The following SIRT1 variants were observed in gnomAD, a reference collection of about 807,000 sequenced individuals.
SIRT1 encodes NAD-dependent protein deacetylase sirtuin-1.
In SIRT1, 24 loss-of-function variants were observed where a neutral mutation model predicts 67.9. That is an observed-to-expected ratio of 0.35 (90% CI 0.26 to 0.50). SIRT1 has a LOEUF of 0.50. Ranked by LOEUF, SIRT1 falls within the 20% of genes least tolerant of loss-of-function variation. The probability of loss-of-function intolerance (pLI) is 0.98; values close to 1 mark genes in which losing one functional copy is unlikely to be tolerated. For missense variants in SIRT1, 873 were observed against 937.2 expected, an observed-to-expected ratio of 0.93 and a Z score of 0.89; for synonymous variants, 378 against 350.7, an observed-to-expected ratio of 1.08 and a Z score of -0.87.
intron 7 of SIRT1, among the ~76,000 whole-genome samples, chr10:67,910,709 T>C (rs1246059366): frequency 2.0e-5 from 3 of 152,202 alleles, no homozygotes; most frequent in South Asian, 2.1e-4. Flanking sequence ...TATGTCGATA[T>C]AGTTTACCCA....
In SIRT1 at chr10:67,891,496, C is replaced by A; in HGVS notation, c.884C>A (p.Ala295Glu). The A allele has an allele frequency of 6.2e-7, 1 of 1,614,038 alleles. No homozygotes were observed. The highest frequency in any genetic ancestry group is 1.7e-5 in the Admixed American group (1 of 60,018). The part of the protein sequence containing the change: ...VDFPDLPDPQ[A>E]MFDIEYFRKD... ...TTCCCAGATCTTCCAGATCCTCAAG[C>A]GATGTTTGATATTGAATATTTCAGA... Residue 295 changes from alanine to glutamate, a missense_variant, in exon 4 of 9, where the codon GCG becomes GAG. Physicochemically the swap from Ala to Glu is moderately radical, Grantham distance 107. Around this residue, in one of 3 missense-constraint regions of SIRT1, gnomAD observed 251 missense variants for 358.8 expected, o/e 0.70. Transcript: ENST00000212015.
chr10:67,905,758 CAA>C (rs1300068726), intron 4 of SIRT1, among the ~76,000 whole-genome samples: 4 of 152,134 alleles, frequency 2.6e-5, no homozygotes, highest in Admixed American at 1.3e-4. Flanking sequence ...GTAACAAAAA[CAA>C]AAGTTACACA....
chr10:67,902,134 G>A (rs772685555), intron 4 of SIRT1, among the ~76,000 whole-genome samples: 9 of 152,234 alleles, frequency 5.9e-5, no homozygotes, highest in Admixed American at 1.3e-4. Flanking sequence ...GATTACAGGC[G>A]CCTGTCTCCA....
chr10:67,889,164 T>C (rs778364863), intron 3 of SIRT1, 41 bp downstream of exon 3: 1 of 1,524,594 alleles, frequency 6.6e-7, no homozygotes, highest in East Asian at 2.3e-5. Context: ...ATATGTATTT[T>C]CTTATGCCTT....
intron 4 of SIRT1, among the ~76,000 whole-genome samples, chr10:67,900,241 G>T (rs972781379): frequency 1.3e-5 from 2 of 151,862 alleles, no homozygotes; most frequent in African/African-American, 4.8e-5. Context: ...TGCCTCCCGG[G>T]TTCAAGTGAT....
intron 4 of SIRT1, among the ~76,000 whole-genome samples, chr10:67,900,743 C>T (rs576554673): frequency 6.6e-6 from 1 of 152,234 alleles, no homozygotes; most frequent in African/African-American, 2.4e-5. Context: ...CAGGTTAGGC[C>T]TGTTCTGTTT....
chr10:67,899,167 C>A (rs4746717), intron 4 of SIRT1, among the ~76,000 whole-genome samples: 3 of 151,978 alleles, frequency 2.0e-5, no homozygotes, highest in South Asian at 2.1e-4. Context: ...AAATAAAATC[C>A]TCTATTAGGG....
At chr10:67,887,390 C>T (rs199673191) in intron 1 of SIRT1, 27 bp from the exon 2 acceptor site, 1 of 1,476,794 alleles carries the variant, frequency 6.8e-7, no homozygotes, top group East Asian at 2.3e-5. Context: ...GTTTTGATAG[C>T]CTTGACTGAC....
At chr10:67,899,957 G>A (rs1414724743) in intron 4 of SIRT1, among the ~76,000 whole-genome samples, 7 of 152,046 alleles carry the variant, frequency 4.6e-5, no homozygotes, top group South Asian at 4.2e-4. Context: ...GGTGGCAAGC[G>A]CCTGTAGTCC....
rs1419079878 is a variant in SIRT1 at position 67,885,093 on chromosome 10, CGACGACGACGAGGGCGAGGAGGAG to C, written c.375_398del (p.Asp125_Glu132del). 4.9e-6 allele frequency: 7 copies of C among 1,429,044 alleles called. No homozygotes were observed. The highest frequency in any genetic ancestry group is 6.5e-6 in the Non-Finnish European group (7 of 1,083,450). 88.5% of individuals were successfully genotyped at this position (1,429,044 alleles called of 1,614,324 possible). A position where few individuals can be genotyped will look rare whatever the true frequency, so the allele number is the denominator to read the frequency against. On this transcript the variant is annotated inframe_deletion, in exon 1 of 9. Coordinates refer to ENST00000212015, the MANE Select transcript of SIRT1 (RefSeq NM_012238.5). ...TGGCCGACAACTTGTACGACGAAGA[CGACGACGACGAGGGCGAGGAGGAG>C]GAAGAGGCGGCGGCGGCGGCGATTG...
intron 4 of SIRT1, among the ~76,000 whole-genome samples, chr10:67,898,807 G>C (rs546804728): frequency 6.6e-4 from 101 of 152,246 alleles, no homozygotes; most frequent in African/African-American, 2.2e-3. Flanking sequence ...CTGCACACCA[G>C]CCTGAGTGAC....
Position 67,885,061 on chromosome 10 carries a change from C to A in SIRT1, c.340C>A (p.Pro114Thr). 1 of 1,430,982 alleles carries A rather than the reference C, an allele frequency of 7.0e-7. No homozygotes were observed. Among genetic ancestry groups the A allele is most frequent in the South Asian group, 1.4e-5 (1 of 70,654 alleles). 88.6% of individuals were successfully genotyped at this position (1,430,982 alleles called of 1,614,324 possible). A position where few individuals can be genotyped will look rare whatever the true frequency, so the allele number is the denominator to read the frequency against. The change falls in exon 1 of 9, where the codon CCA becomes ACA. Residue 114 changes from proline (P) to threonine (T), a missense_variant. By Grantham distance (38) the Pro-to-Thr change is conservative. Coordinates refer to ENST00000212015, the MANE Select transcript of SIRT1 (RefSeq NM_012238.5). Reference sequence around the variant, plus strand: ...GGGCCTGCAGGGCCCATCTCGGGAGCCACCGCTGGCCGACAACTTGTACGA... The same window carrying A: ...GGGCCTGCAGGGCCCATCTCGGGAGACACCGCTGGCCGACAACTTGTACGA... Reference protein sequence around the residue: ...GPGLQGPSREPPLADNLYDED... With the variant: ...GPGLQGPSRETPLADNLYDED...
At chr10:67,891,720 G>T (rs1277189527) in intron 4 of SIRT1, among the ~76,000 whole-genome samples, 166 bp downstream of exon 4, 2 of 152,180 alleles carry the variant, frequency 1.3e-5, no homozygotes, top group Non-Finnish European at 2.9e-5. Flanking sequence ...ATTCCTAGAG[G>T]AGGACTATTA....
chr10:67,916,441 T>C lies in SIRT1; in HGVS notation c.2092T>C (p.Phe698Leu), dbSNP rs1282280106. ...PMEDESEIEE[F>L]YNGLEDEPDV... ...GGAGGATGAAAGTGAAATTGAAGAA[T>C]TCTACAATGGCTTAGAAGATGAGCC... The change falls in exon 9 of 9, where the codon TTC (phenylalanine) becomes CTC (leucine). Residue 698 changes from phenylalanine (F) to leucine (L), a missense_variant. Coordinates refer to ENST00000212015, the MANE Select transcript of SIRT1 (RefSeq NM_012238.5). 3.1e-6 allele frequency: 5 copies of C among 1,614,182 alleles called. No homozygotes were observed. The African/African-American group carries it at 6.7e-5, about 22-fold the overall frequency.
intron 4 of SIRT1, 89 bp downstream of exon 4, chr10:67,891,643 TTG>T: frequency 7.5e-7 from 1 of 1,332,482 alleles, no homozygotes. Context: ...TTATCGTTCA[TTG>T]TTTAGTAAAG....
At chr10:67,906,713 G>A in intron 4 of SIRT1, 77 bp from the exon 5 acceptor site, 1 of 1,372,100 alleles carries the variant, frequency 7.3e-7, no homozygotes, top group Non-Finnish European at 1.0e-6. Context: ...GGGATTATCA[G>A]TATTTTTTTG....
chr10:67,889,801 C>T (rs541230063), intron 3 of SIRT1, among the ~76,000 whole-genome samples: 5 of 152,114 alleles, frequency 3.3e-5, no homozygotes, highest in African/African-American at 9.6e-5. Context: ...TCACAGATAA[C>T]GATGTAGACA....
Position 67,897,789 on chromosome 10 carries a change from C to T in SIRT1, c.942+6235C>T, listed in dbSNP as rs141770695. Among the ~76,000 whole-genome samples the T allele has an allele frequency of 3.6e-3, 543 of 151,662 alleles. 2 individuals are homozygous for T. The highest frequency in any genetic ancestry group is 0.027 in the Middle Eastern group (8 of 294). ...CTGGGATTACAGGCGTGAGCCACTT[C>T]GCCCAGCCTGCACTGTGTTCTTATC... is the stretch of plus-strand genomic sequence containing the variant. On this transcript the variant is annotated intron_variant, in intron 4 of 8. Coordinates refer to ENST00000212015, the MANE Select transcript of SIRT1 (RefSeq NM_012238.5).
In SIRT1 at chr10:67,908,719, T is replaced by A. The variant is rs568744264; in HGVS notation, c.1171-537T>A. On this transcript the variant is annotated intron_variant, in intron 6 of 8. Coordinates refer to ENST00000212015, the MANE Select transcript of SIRT1 (RefSeq NM_012238.5). The stretch of plus-strand genomic sequence containing the variant: ...AGAAGTGAGACCAGCCTGGCCAACA[T>A]GGCAAAACCCCGTCTCTCTTAAAAA... Among the ~76,000 whole-genome samples the A allele has an allele frequency of 8.2e-3, 1,253 of 152,236 alleles. 15 individuals are homozygous for A. The highest frequency in any genetic ancestry group is 0.029 in the African/African-American group (1,185 of 41,526).
Sources: gnomAD v4.1 joint callset for allele counts (sites outside exome capture counted in the v4.1 genomes callset) on GRCh38, gnomAD v4.1.1 for gene constraint, gnomAD v4.1.1 regional missense constraint, MANE v1.5 for transcripts, NCBI Gene and HGNC (gene_info 2026-07-23, HGNC 2026-07-21) for gene names.